STXBP5L: variants seen among roughly 807,000 people sequenced by gnomAD.
The protein encoded by STXBP5L is syntaxin binding protein 5L, also known as syntaxin-binding protein 5-like.
A neutral mutation model predicts 144.5 loss-of-function variants in STXBP5L; 65 were observed. The ratio of observed to expected loss-of-function variants is 0.45; its 90% CI spans 0.37 to 0.55. The LOEUF is 0.55. STXBP5L is among the 20% of genes least tolerant of loss of function. The pLI is 0.00. For missense variants in STXBP5L, 1,298 were observed against 1,405.5 expected (o/e 0.92, Z 1.22); for synonymous variants, 505 against 469.6 (o/e 1.08, Z -0.97).
intron 15 of STXBP5L, among the ~76,000 whole-genome samples, chr3:121,253,012 C>T (rs559867112): frequency 6.6e-6 from 1 of 152,220 alleles, no homozygotes; most frequent in South Asian, 2.1e-4. Flanking sequence ...TTTAAGGGGG[C>T]CATCTGATTA....
At chr3:121,015,304 A>G (rs1945064743) in intron 3 of STXBP5L, among the ~76,000 whole-genome samples, 1 of 152,206 alleles carries the variant, frequency 6.6e-6, no homozygotes, top group Non-Finnish European at 1.5e-5. Context: ...ACATGCAAAG[A>G]GCTTGGAAGT....
intron 3 of STXBP5L, among the ~76,000 whole-genome samples, chr3:120,977,985 C>T (rs1414015969): frequency 1.3e-5 from 2 of 152,270 alleles, no homozygotes; most frequent in Admixed American, 6.5e-5. Context: ...ACATTTTTTC[C>T]TTCATTTCAA....
At chr3:121,147,938 A>G (rs2045777226) in intron 7 of STXBP5L, among the ~76,000 whole-genome samples, 1 of 152,020 alleles carries the variant, frequency 6.6e-6, no homozygotes, top group Non-Finnish European at 1.5e-5. Flanking sequence ...GCTGACCTTC[A>G]GACTGGAACT....
At chr3:120,931,822 C>T (rs895363778) in intron 2 of STXBP5L, among the ~76,000 whole-genome samples, 1 of 152,252 alleles carries the variant, frequency 6.6e-6, no homozygotes, top group East Asian at 1.9e-4. Context: ...TGGCCAATGG[C>T]TGCCATATTT....
intron 3 of STXBP5L, among the ~76,000 whole-genome samples, chr3:121,022,315 AC>A (rs1945616200): frequency 6.6e-6 from 1 of 152,130 alleles, no homozygotes; most frequent in African/African-American, 2.4e-5. Context: ...AAAGTCCAGG[AC>A]CAGATGGATT....
At chr3:121,068,259 C>T (rs888274058) in intron 5 of STXBP5L, among the ~76,000 whole-genome samples, 5 of 152,242 alleles carry the variant, frequency 3.3e-5, no homozygotes, top group East Asian at 1.9e-4. Context: ...CTGCCTGCCT[C>T]GGCCTCCCAG....
intron 20 of STXBP5L, among the ~76,000 whole-genome samples, chr3:121,348,253 T>A (rs1252997891): frequency 6.6e-6 from 1 of 152,108 alleles, no homozygotes; most frequent in Non-Finnish European, 1.5e-5. Context: ...ATATGCTGGG[T>A]TATGTTTATT....
At chr3:121,105,175 A>G (rs1490513041) in intron 5 of STXBP5L, among the ~76,000 whole-genome samples, 2 of 152,128 alleles carry the variant, frequency 1.3e-5, no homozygotes, top group African/African-American at 4.8e-5. Flanking sequence ...AGGTGGGTGT[A>G]TCACGAGGTC....
chr3:121,392,391 C>A (rs2046611205), intron 22 of STXBP5L, among the ~76,000 whole-genome samples: 1 of 152,130 alleles, frequency 6.6e-6, no homozygotes, highest in African/African-American at 2.4e-5. Context: ...TGCTTCAGCT[C>A]ACTCTCCGTG....
intron 22 of STXBP5L, among the ~76,000 whole-genome samples, chr3:121,405,781 C>A (rs1371965680): frequency 6.6e-6 from 1 of 151,914 alleles, no homozygotes; most frequent in East Asian, 1.9e-4. Context: ...CTGTATAAAC[C>A]TAATGAACAG....
rs558544572 is a variant in STXBP5L at position 121,012,171 on chromosome 3, T to C, written c.288-29529T>C. Among the ~76,000 whole-genome samples the C allele has an allele frequency of 1.8e-4, 28 of 152,066 alleles. No homozygotes were observed. The South Asian group carries it at 5.8e-3, about 32-fold the overall frequency. ...TTTTTATTGGCAAATAAAATTCTATTTTATGGATATACCACATTTTATTAT... is the reference window on the plus strand; with the variant it reads ...TTTTTATTGGCAAATAAAATTCTATCTTATGGATATACCACATTTTATTAT... On this transcript the variant is annotated intron_variant, in intron 3 of 26. Transcript: ENST00000471454.
At chr3:121,314,022 C>G (rs1320992444) in intron 19 of STXBP5L, among the ~76,000 whole-genome samples, 1 of 151,434 alleles carries the variant, frequency 6.6e-6, no homozygotes, top group Non-Finnish European at 1.5e-5. Context: ...AGACGCTCCT[C>G]ACTTCCTAGA....
At chr3:121,052,585 G>A (rs1420954600) in intron 5 of STXBP5L, among the ~76,000 whole-genome samples, 1 of 152,130 alleles carries the variant, frequency 6.6e-6, no homozygotes, top group South Asian at 2.1e-4. Context: ...AGGTATTGAT[G>A]GGACATATCT....
chr3:121,216,376 C>T (rs1401687666), intron 10 of STXBP5L, among the ~76,000 whole-genome samples: 1 of 152,078 alleles, frequency 6.6e-6, no homozygotes, highest in African/African-American at 2.4e-5. Context: ...GTGTGGATGT[C>T]CTTTTTGTTG....
At chr3:121,262,525 G>T (rs2050417525) in intron 18 of STXBP5L, among the ~76,000 whole-genome samples, 1 of 152,034 alleles carries the variant, frequency 6.6e-6, no homozygotes, top group African/African-American at 2.4e-5. Flanking sequence ...AGCTACTAGG[G>T]ATACTGAGAA....
In STXBP5L at chr3:120,965,490, G is replaced by A. The variant is rs191889830; in HGVS notation, c.287+10453G>A. Among the ~76,000 whole-genome samples the A allele has an allele frequency of 1.4e-3, 218 of 152,294 alleles. 2 individuals carry two copies. In the Middle Eastern group the frequency reaches 0.027, roughly 19 times the overall value. Reference sequence around the variant, plus strand: ...AGGCCTGGTGTGACAAAATTTCTGAGCATTTGCTTGTCTGTAAAGAATTTT... The same window carrying A: ...AGGCCTGGTGTGACAAAATTTCTGAACATTTGCTTGTCTGTAAAGAATTTT... On this transcript the variant is annotated intron_variant, in intron 3 of 26. Transcript: ENST00000471454.
intron 10 of STXBP5L, among the ~76,000 whole-genome samples, chr3:121,209,596 T>C (rs1267967429): frequency 6.6e-6 from 1 of 150,942 alleles, no homozygotes; most frequent in Non-Finnish European, 1.5e-5. Flanking sequence ...CCCCACCCCA[T>C]GACAGGCCCC....
At chr3:121,035,070 G>C (rs539856334) in intron 3 of STXBP5L, among the ~76,000 whole-genome samples, 21 of 152,110 alleles carry the variant, frequency 1.4e-4, no homozygotes, top group African/African-American at 5.1e-4. Flanking sequence ...GGGGTTATTT[G>C]TTTTACTGTT....
At chr3:121,205,457 A>G (rs964852034) in intron 9 of STXBP5L, among the ~76,000 whole-genome samples, 3 of 152,088 alleles carry the variant, frequency 2.0e-5, no homozygotes, top group Non-Finnish European at 2.9e-5. Context: ...TGTCCTAATC[A>G]CCTCTTAAAA....
Sources: allele counts gnomAD v4.1 joint callset (sites outside exome capture counted in the v4.1 genomes callset), GRCh38; gene constraint gnomAD v4.1.1; transcripts MANE v1.5; gene names NCBI Gene and HGNC (gene_info 2026-07-23, HGNC 2026-07-21).